DCT: variants seen among roughly 807,000 people sequenced by gnomAD.
DCT encodes the protein dopachrome tautomerase.
A neutral mutation model predicts 53.0 loss-of-function variants in DCT; 47 were observed. The observed-to-expected ratio is 0.89, with a 90% confidence interval of 0.70 to 1.13. DCT has a LOEUF of 1.13. Ranked by LOEUF, DCT falls within the 50% of genes most tolerant of loss-of-function variation. The probability of loss-of-function intolerance (pLI) is 0.00; values close to 1 mark genes in which losing one functional copy is unlikely to be tolerated. For synonymous variants in DCT, 244 were observed against 237.0 expected, an observed-to-expected ratio of 1.03 and a Z score of -0.27; for missense variants, 669 against 637.4, an observed-to-expected ratio of 1.05 and a Z score of -0.53.
chr13:94,474,222 A>G (rs559754299), intron 1 of DCT, among the ~76,000 whole-genome samples: 2 of 150,796 alleles, frequency 1.3e-5, no homozygotes, highest in African/African-American at 4.9e-5. Flanking sequence ...TTAAAGAGTC[A>G]AAGTCTCATG....
the DCT span, among the ~76,000 whole-genome samples, chr13:94,510,554 G>A: frequency 0.38 from 57,753 of 152,110 alleles, 11,448 homozygotes; most frequent in East Asian, 0.61. Context: ...TTTGGATGTA[G>A]TGGGTTAAAT....
chr13:94,454,103 TTC>T (rs1883265395), intron 6 of DCT, among the ~76,000 whole-genome samples: 1 of 152,236 alleles, frequency 6.6e-6, no homozygotes, highest in Non-Finnish European at 1.5e-5. Context: ...GAAATTCATT[TTC>T]TCCTGCTGCA....
At position 94,443,656 on chromosome 13, in the gene DCT, C is replaced by T. The variant is rs757191000; in HGVS notation, c.1180-19G>A. ...GAAGAACCTGCAAAACAGTTGGACA[C>T]AGCATTTAACATAAATCAGTCTGTT... is the stretch of plus-strand genomic sequence containing the variant. On this transcript the variant is annotated intron_variant, in intron 6 of 7. Transcript: ENST00000377028. 3.2e-6 allele frequency: 5 copies of T among 1,583,480 alleles called. No homozygotes were observed. The highest frequency in any genetic ancestry group is 4.3e-6 in the Non-Finnish European group (5 of 1,154,066).
intron 6 of DCT, chr13:94,445,612 C>A: frequency 1.4e-6 from 1 of 738,524 alleles, no homozygotes; most frequent in South Asian, 1.7e-5. Flanking sequence ...ATGAAATGGT[C>A]ACCTTCAAGC....
At chr13:94,515,118 A>C in the DCT span, among the ~76,000 whole-genome samples, 1 of 152,182 alleles carries the variant, frequency 6.6e-6, no homozygotes, top group Non-Finnish European at 1.5e-5. Context: ...AACCAGGAAG[A>C]GGACCCTGGG....
At chr13:94,516,466 GA>G in the DCT span, among the ~76,000 whole-genome samples, 1 of 152,050 alleles carries the variant, frequency 6.6e-6, no homozygotes, top group Non-Finnish European at 1.5e-5. Flanking sequence ...TGCAATGGGG[GA>G]AAAAACTTTT....
At chr13:94,531,874 T>A in the DCT span, among the ~76,000 whole-genome samples, 1 of 151,840 alleles carries the variant, frequency 6.6e-6, no homozygotes, top group Non-Finnish European at 1.5e-5. Flanking sequence ...TGGGAGAAAA[T>A]CTTTGCAATC....
In DCT at chr13:94,439,091, A is replaced by G. The variant is rs2139261859; in HGVS notation, c.*807T>C. 1.2e-5 allele frequency: 2 copies of G among 160,710 alleles called. No homozygotes were observed. The highest frequency in any genetic ancestry group is 4.8e-5 in the African/African-American group (2 of 41,656). 10.0% of individuals were successfully genotyped at this position (160,710 alleles called of 1,614,324 possible). On this transcript the variant is annotated 3_prime_UTR_variant, in exon 8 of 8. Transcript: ENST00000377028. The stretch of plus-strand genomic sequence containing the variant: ...CTGTATTTGTTAATAGGTTTACAGT[A>G]GCATATCAACTAACCAGGAAACTCT...
chr13:94,524,741 G>C, the DCT span, among the ~76,000 whole-genome samples: 24 of 151,966 alleles, frequency 1.6e-4, no homozygotes, highest in African/African-American at 5.6e-4. Flanking sequence ...TTGTGCCCTC[G>C]TGCCCCCAAA....
the DCT span, among the ~76,000 whole-genome samples, chr13:94,530,896 A>G: frequency 3.8e-3 from 575 of 152,250 alleles, 3 homozygotes; most frequent in African/African-American, 0.013. Context: ...AAACCCCACC[A>G]TCTCAGCCCA....
the DCT span, among the ~76,000 whole-genome samples, chr13:94,488,514 AG>A: frequency 6.6e-6 from 1 of 152,012 alleles, no homozygotes; most frequent in Non-Finnish European, 1.5e-5. Flanking sequence ...CAGGAGTTTG[AG>A]ACCAGCCTCG....
upstream of DCT, among the ~76,000 whole-genome samples, chr13:94,482,587 G>T (rs558721350): frequency 1.3e-5 from 2 of 152,240 alleles, no homozygotes; most frequent in African/African-American, 4.8e-5. Context: ...TCATCTACTG[G>T]ACTATAAGCT....
In DCT at chr13:94,465,697, G is replaced by C; in HGVS notation, c.799C>G (p.Pro267Ala). The change falls in exon 4 of 8, where the codon CCA becomes GCA. Residue 267 changes from proline to alanine, a missense_variant. By Grantham distance (27) the Pro-to-Ala change is conservative. Coordinates refer to ENST00000377028, the MANE Select transcript of DCT (RefSeq NM_001922.5). ...CTDQLFGAAR[P>A]DDPTLISRNS... ...CGACTAATCAGAGTCGGATCGTCTG[G>C]TCTCGCTGCCCCAAACAGCTGGTCT... The C allele has an allele frequency of 1.2e-6, 2 of 1,613,400 alleles. No individual in the cohort carries two copies. Among genetic ancestry groups the C allele is most frequent in the Non-Finnish European group, 8.5e-7 (1 of 1,179,870 alleles).
chr13:94,513,736 C>T, the DCT span, among the ~76,000 whole-genome samples: 2 of 151,848 alleles, frequency 1.3e-5, no homozygotes, highest in East Asian at 1.9e-4. Flanking sequence ...CCTGTAATCT[C>T]AGCACTTTGG....
intron 4 of DCT, among the ~76,000 whole-genome samples, chr13:94,463,668 T>C (rs1245256371): frequency 6.6e-6 from 1 of 152,212 alleles, no homozygotes; most frequent in African/African-American, 2.4e-5. Context: ...TGGCCTCAAG[T>C]GATCCCCCTG....
the DCT span, among the ~76,000 whole-genome samples, chr13:94,547,979 AAAAAAATAT>A: frequency 1.7e-4 from 20 of 115,502 alleles, no homozygotes; most frequent in African/African-American, 7.6e-4. Flanking sequence ...AAAAAAAAAA[AAAAAAATAT>A]ATATATATAT....
At chr13:94,476,756 G>A (rs74103937) in intron 1 of DCT, among the ~76,000 whole-genome samples, 44 of 152,042 alleles carry the variant, frequency 2.9e-4, no homozygotes, top group African/African-American at 8.7e-4. Context: ...GAGCCACTGC[G>A]CTTGGCCAGC....
intron 2 of DCT, chr13:94,467,767 C>T (rs1272853829): frequency 6.6e-6 from 1 of 152,108 alleles, no homozygotes; most frequent in African/African-American, 2.4e-5. Flanking sequence ...GAAGGATGAA[C>T]CTGTCCAAAT....
chr13:94,509,442 G>A, the DCT span, among the ~76,000 whole-genome samples: 46 of 149,740 alleles, frequency 3.1e-4, 1 homozygote, highest in Admixed American at 1.0e-3. Context: ...CACACACAGA[G>A]GAGTGTGACC....
Sources: gnomAD v4.1 joint callset for allele counts (sites outside exome capture counted in the v4.1 genomes callset) on GRCh38, gnomAD v4.1.1 for gene constraint, MANE v1.5 for transcripts, NCBI Gene and HGNC (gene_info 2026-07-23, HGNC 2026-07-21) for gene names.